Variants in SDHC observed in about 807,000 individuals in gnomAD.
SDHC encodes the protein succinate dehydrogenase cytochrome b560 subunit, mitochondrial.
SDHC carries 11 observed loss-of-function variants against 22.6 expected under a neutral mutation model. That is an observed-to-expected ratio of 0.49 (90% CI 0.31 to 0.81). The LOEUF is 0.81. Among genes scored for constraint, SDHC ranks in the 30% least tolerant of loss-of-function variants. The pLI, the probability that SDHC is intolerant of heterozygous loss-of-function variation, is 0.05. For synonymous variants in SDHC, 80 were observed against 77.8 expected (o/e 1.03, Z -0.15); for missense variants, 160 against 212.0 (o/e 0.75, Z 1.52).
chr1:161,342,866 A>G (rs11585941), intron 4 of SDHC, among the ~76,000 whole-genome samples: 19,553 of 152,138 alleles, frequency 0.13, 1,515 homozygotes, highest in African/African-American at 0.21. Context: ...ATGAAATTAT[A>G]TACCTGAGAG....
At chr1:161,332,187 C>G (rs1349656942) in intron 3 of SDHC, among the ~76,000 whole-genome samples, 1 of 152,128 alleles carries the variant, frequency 6.6e-6, no homozygotes, top group Non-Finnish European at 1.5e-5. Context: ...ATTACCCAGG[C>G]TGGTCTTGAA....
intron 1 of SDHC, among the ~76,000 whole-genome samples, chr1:161,318,277 C>G (rs1670702429): frequency 2.0e-5 from 3 of 152,130 alleles, no homozygotes; most frequent in Admixed American, 6.6e-5. Context: ...CCTTCCCCCT[C>G]CCCCGCATAT....
chr1:161,319,209 G>A (rs571820837), intron 1 of SDHC, among the ~76,000 whole-genome samples: 5 of 151,328 alleles, frequency 3.3e-5, no homozygotes, highest in Admixed American at 6.6e-5. Context: ...CAATAGGAGC[G>A]AAACTCTGTC....
chr1:161,323,592 T>A (rs745657641), intron 1 of SDHC, 22 bp from the exon 2 acceptor site: 1 of 1,606,614 alleles, frequency 6.2e-7, no homozygotes, highest in Admixed American at 1.7e-5. Flanking sequence ...GTGTATTGAT[T>A]TTTGATTCTC....
chr1:161,352,983 AAAAAAAG>A (rs1422750259), intron 4 of SDHC, among the ~76,000 whole-genome samples: 3 of 152,212 alleles, frequency 2.0e-5, no homozygotes, highest in African/African-American at 7.2e-5. Flanking sequence ...TCTCAAAGAA[AAAAAAAG>A]AAAAAAGAAA....
intron 1 of SDHC, chr1:161,314,658 C>G: frequency 3.4e-6 from 2 of 593,552 alleles, no homozygotes; most frequent in South Asian, 2.0e-5. Context: ...GCCCTCGGCT[C>G]TCGCCCCTTC....
chr1:161,362,971 C>T lies in SDHC; in HGVS notation c.*538C>T. ...GTGGAGGGGAATTAGTCTGTCCCAGCTAGAGGGAGATAAAGAGGGCTAGTT... is the reference window on the plus strand; with the variant it reads ...GTGGAGGGGAATTAGTCTGTCCCAGTTAGAGGGAGATAAAGAGGGCTAGTT... On this transcript the variant is annotated 3_prime_UTR_variant, in exon 6 of 6. Transcript: ENST00000367975. 3.6e-6 allele frequency: 1 copy of T among 276,988 alleles called. No individual in the cohort carries two copies. Among genetic ancestry groups the T allele is most frequent in the South Asian group, 9.3e-5 (1 of 10,748 alleles). 17.2% of individuals were successfully genotyped at this position (276,988 alleles called of 1,614,324 possible). A position where few individuals can be genotyped will look rare whatever the true frequency, so the allele number is the denominator to read the frequency against.
intron 3 of SDHC, among the ~76,000 whole-genome samples, chr1:161,337,089 C>T (rs570117666): frequency 1.4e-3 from 204 of 150,818 alleles, no homozygotes; most frequent in African/African-American, 4.8e-3. Flanking sequence ...CCATCTTGCC[C>T]AGGCTGGTCT....
At chr1:161,355,180 G>A (rs1010416401) in intron 4 of SDHC, among the ~76,000 whole-genome samples, 4 of 152,076 alleles carry the variant, frequency 2.6e-5, no homozygotes, top group Non-Finnish European at 4.4e-5. Flanking sequence ...TATACACATA[G>A]CAGTTACATT....
chr1:161,338,611 G>A (rs1461926916), intron 3 of SDHC, among the ~76,000 whole-genome samples: 1 of 152,190 alleles, frequency 6.6e-6, no homozygotes, highest in Non-Finnish European at 1.5e-5. Context: ...CAGAACTACT[G>A]TGGATTAAGA....
intron 4 of SDHC, among the ~76,000 whole-genome samples, chr1:161,352,186 G>A (rs563448492): frequency 3.9e-5 from 6 of 152,276 alleles, no homozygotes; most frequent in African/African-American, 1.4e-4. Context: ...GAACATCAGA[G>A]GAGAATTCAG....
Position 161,362,657 on chromosome 1 carries a change from C to T in SDHC, c.*224C>T, listed in dbSNP as rs1249909455. 3.5e-6 allele frequency: 5 copies of T among 1,412,002 alleles called. No homozygotes were observed. In the East Asian group the frequency reaches 1.2e-4, roughly 35 times the overall value. 87.5% of individuals were successfully genotyped at this position (1,412,002 alleles called of 1,614,324 possible). On this transcript the variant is annotated 3_prime_UTR_variant, in exon 6 of 6. Transcript: ENST00000367975. ...AGATGAGGTGGCTGCAAAAACTCCC[C>T]TTTTTTGCCCACAGCTTGCCTACTC...
chr1:161,358,071 C>T (rs1175313501), intron 5 of SDHC, among the ~76,000 whole-genome samples: 2 of 142,444 alleles, frequency 1.4e-5, no homozygotes, highest in Admixed American at 7.2e-5. Context: ...GAGTCTTGCT[C>T]CATTGCCCAG....
intron 3 of SDHC, among the ~76,000 whole-genome samples, chr1:161,335,519 AGCTT>A (rs1671443729): frequency 6.6e-6 from 1 of 152,106 alleles, no homozygotes; most frequent in African/African-American, 2.4e-5. Context: ...GATAGGGTAA[AGCTT>A]GCTTTTTTTA....
chr1:161,331,947 A>G (rs1295055404), intron 3 of SDHC, among the ~76,000 whole-genome samples: 1 of 151,990 alleles, frequency 6.6e-6, no homozygotes, highest in Non-Finnish European at 1.5e-5. Flanking sequence ...AGAATTTCCC[A>G]AATCATTAAG....
intron 3 of SDHC, 34 bp from the exon 4 acceptor site, chr1:161,340,560 C>T (rs2102335881): frequency 6.9e-6 from 11 of 1,598,306 alleles, no homozygotes; most frequent in Non-Finnish European, 7.7e-6. Flanking sequence ...TCATCTTTTC[C>T]TTTTTAAAAT....
intron 3 of SDHC, among the ~76,000 whole-genome samples, chr1:161,332,957 C>G (rs1051131891): frequency 1.3e-5 from 2 of 152,156 alleles, no homozygotes; most frequent in South Asian, 4.1e-4. Flanking sequence ...TTCATCACTC[C>G]AGAAAGAAAC....
At chr1:161,336,311 T>A (rs951350190) in intron 3 of SDHC, among the ~76,000 whole-genome samples, 7 of 152,010 alleles carry the variant, frequency 4.6e-5, no homozygotes, top group Admixed American at 3.9e-4. Context: ...AAAAATTAGC[T>A]GGCCGTGGTG....
intron 5 of SDHC, among the ~76,000 whole-genome samples, chr1:161,357,773 T>C (rs1482470502): frequency 6.6e-6 from 1 of 152,188 alleles, no homozygotes; most frequent in Non-Finnish European, 1.5e-5. Flanking sequence ...GACATAAATA[T>C]TAATTGGTAC....
Sources: gnomAD v4.1 joint callset for allele counts (sites outside exome capture counted in the v4.1 genomes callset) on GRCh38, gnomAD v4.1.1 for gene constraint, MANE v1.5 for transcripts, NCBI Gene and HGNC (gene_info 2026-07-23, HGNC 2026-07-21) for gene names.